Variants in TRPC5OS observed in about 807,000 individuals in gnomAD.
The protein encoded by TRPC5OS is TRPC5 opposite strand, also known as putative uncharacterized protein TRPC5OS.
For missense variants in TRPC5OS, 64 were observed against 79.3 expected (o/e 0.81, Z 0.73); for synonymous variants, 30 against 29.3 (o/e 1.02, Z -0.08).
Position 111,903,184 on chromosome X carries a change from T to A in TRPC5OS, c.*999T>A, listed in dbSNP as rs1228062733. The A allele has an allele frequency of 3.6e-5, 4 of 111,921 alleles. No individual in the cohort carries two copies. In the East Asian group the frequency reaches 1.1e-3, roughly 31 times the overall value. The allele number at this position is 111,921 out of a possible 1,213,427, so 9.2% of individuals were successfully genotyped here. A position where few individuals can be genotyped will look rare whatever the true frequency, so the allele number is the denominator to read the frequency against. On this transcript the variant is annotated 3_prime_UTR_variant, in exon 4 of 4. Coordinates refer to ENST00000635763, the MANE Select transcript of TRPC5OS (RefSeq NM_001195578.2). Reference sequence around the variant, plus strand: ...TGTTTGCTTTGATTCTGTAATTTTATGTGCTTAAGGATTGTTAAGATATAA... The same window carrying A: ...TGTTTGCTTTGATTCTGTAATTTTAAGTGCTTAAGGATTGTTAAGATATAA...
At chrX:111,898,471 G>C (rs1461022960) in intron 3 of TRPC5OS, among the ~76,000 whole-genome samples, 2 of 108,927 alleles carry the variant, frequency 1.8e-5, no homozygotes, top group Non-Finnish European at 1.9e-5. Flanking sequence ...CACATGCATG[G>C]TTGAAGCTTG....
chrX:111,882,778 G>A (rs1401137997), intron 1 of TRPC5OS, among the ~76,000 whole-genome samples: 2 of 112,257 alleles, frequency 1.8e-5, no homozygotes, highest in East Asian at 2.8e-4. Flanking sequence ...AGTCCTAGTC[G>A]GCCCAGTTAA....
chrX:111,880,058 A>G (rs192713205), intron 1 of TRPC5OS, among the ~76,000 whole-genome samples: 6 of 111,710 alleles, frequency 5.4e-5, no homozygotes, highest in Non-Finnish European at 1.9e-5. Context: ...TCATATTTTT[A>G]AAATGAAGAT....
chrX:111,888,181 T>C (rs1475122778), intron 1 of TRPC5OS, among the ~76,000 whole-genome samples: 2 of 111,378 alleles, frequency 1.8e-5, no homozygotes, highest in Non-Finnish European at 3.8e-5. Context: ...ATTTGAGGAA[T>C]GACAGACCAG....
intron 3 of TRPC5OS, among the ~76,000 whole-genome samples, chrX:111,897,390 A>T (rs1327469131): frequency 9.0e-6 from 1 of 110,894 alleles, no homozygotes; most frequent in African/African-American, 3.3e-5. Context: ...TTTTGAGGGG[A>T]GTAAAATTTA....
Position 111,896,097 on chromosome X carries a change from G to A in TRPC5OS, c.-400+1G>A, listed in dbSNP as rs1925046310. The A allele has an allele frequency of 9.0e-6, 1 of 111,019 alleles. No homozygotes were observed. The highest frequency in any genetic ancestry group is 3.3e-5 in the African/African-American group (1 of 30,433). 9.1% of individuals were successfully genotyped at this position (111,019 alleles called of 1,213,427 possible). A position where few individuals can be genotyped will look rare whatever the true frequency, so the allele number is the denominator to read the frequency against. On this transcript the variant is annotated splice_donor_variant, in intron 2 of 3. Transcript: ENST00000635763. LOFTEE classifies it low-confidence loss of function (5UTR_SPLICE). Reference sequence around the variant, plus strand: ...CAGCCCAGAACTCAGGTGACTTCAGGTAAGAAAAACTAGCCCTGCATTTTG... The same window carrying A: ...CAGCCCAGAACTCAGGTGACTTCAGATAAGAAAAACTAGCCCTGCATTTTG...
At chrX:111,881,476 C>G (rs778214879) in intron 1 of TRPC5OS, among the ~76,000 whole-genome samples, 2 of 111,363 alleles carry the variant, frequency 1.8e-5, no homozygotes, top group African/African-American at 6.5e-5. Context: ...GGGCCTGGCC[C>G]GCTATGTTTT....
rs184285125 is a variant in TRPC5OS at position 111,902,975 on chromosome X, G to A, written c.*790G>A. ...AGCCCTACAAGGACTATTCACCAAT[G>A]GAAAGACAAACACTCACCATATTGG... On this transcript the variant is annotated 3_prime_UTR_variant, in exon 4 of 4. Coordinates refer to ENST00000635763, the MANE Select transcript of TRPC5OS (RefSeq NM_001195578.2). 27 of 111,913 alleles carry A rather than the reference G, an allele frequency of 2.4e-4. No homozygotes were observed. The highest frequency in any genetic ancestry group is 2.0e-3 in the Admixed American group (21 of 10,527). The allele number at this position is 111,913 out of a possible 1,213,427, so 9.2% of individuals were successfully genotyped here.
chrX:111,898,297 GCA>G (rs200189599), intron 3 of TRPC5OS, among the ~76,000 whole-genome samples: 1 of 101,897 alleles, frequency 9.8e-6, no homozygotes, highest in Non-Finnish European at 2.0e-5. Context: ...GCGTGTGTGC[GCA>G]CACACACACA....
intron 1 of TRPC5OS, among the ~76,000 whole-genome samples, chrX:111,883,287 T>C (rs1340280236): frequency 9.0e-6 from 1 of 111,444 alleles, no homozygotes; most frequent in African/African-American, 3.3e-5. Context: ...AGTCAGAGCC[T>C]AGTTAAGTTC....
intron 1 of TRPC5OS, among the ~76,000 whole-genome samples, chrX:111,889,300 G>A (rs749643086): frequency 9.0e-6 from 1 of 111,642 alleles, no homozygotes; most frequent in East Asian, 2.8e-4. Flanking sequence ...GGGTAGTAAG[G>A]TGGAGTGGCC....
At position 111,903,206 on chromosome X, in the gene TRPC5OS, A is replaced by G. The variant is rs1052976543; in HGVS notation, c.*1021A>G. On this transcript the variant is annotated 3_prime_UTR_variant, in exon 4 of 4. Transcript: ENST00000635763. ...TTATGTGCTTAAGGATTGTTAAGAT[A>G]TAACCCCCGCTCCAAGGAATGGATT... 8.9e-6 allele frequency: 1 copy of G among 112,012 alleles called. No individual in the cohort carries two copies. Among genetic ancestry groups the G allele is most frequent in the African/African-American group, 3.2e-5 (1 of 30,866 alleles). The allele number at this position is 112,012 out of a possible 1,213,427, so 9.2% of individuals were successfully genotyped here.
Position 111,902,134 on chromosome X carries a change from CTT to C in TRPC5OS, c.286_287del (p.Leu96IlefsTer2). The C allele has an allele frequency of 8.7e-7, 1 of 1,150,143 alleles. No individual in the cohort carries two copies. The highest frequency in any genetic ancestry group is 1.1e-6 in the Non-Finnish European group (1 of 870,575). The allele number at this position is 1,150,143 out of a possible 1,213,427, so 94.8% of individuals were successfully genotyped here. A position where few individuals can be genotyped will look rare whatever the true frequency, so the allele number is the denominator to read the frequency against. The stretch of plus-strand genomic sequence containing the variant: ...ATCAGGCTATGTTAGACATGGATAA[CTT>C]ATATGAAGATACAGTCTCTGGTATA... ...IDQAMLDMDN[L>X]YEDTVSGIND... is the part of the protein sequence containing the mutation. On this transcript the variant is annotated frameshift_variant, in exon 4 of 4. Transcript: ENST00000635763. LOFTEE classifies it low-confidence loss of function (END_TRUNC).
intron 1 of TRPC5OS, among the ~76,000 whole-genome samples, chrX:111,887,719 A>G (rs1327952297): frequency 8.9e-6 from 1 of 112,054 alleles, no homozygotes; most frequent in African/African-American, 3.2e-5. Flanking sequence ...CACTAGAAAC[A>G]TAAAACGCTA....
chrX:111,878,754 G>A (rs981434059), intron 1 of TRPC5OS, among the ~76,000 whole-genome samples: 4 of 111,661 alleles, frequency 3.6e-5, no homozygotes, highest in African/African-American at 1.3e-4. Flanking sequence ...TGCTTTAGGT[G>A]ATCTGGGCCT....
intron 1 of TRPC5OS, among the ~76,000 whole-genome samples, chrX:111,890,178 C>A (rs1362859610): frequency 2.7e-5 from 3 of 112,230 alleles, no homozygotes; most frequent in Non-Finnish European, 5.6e-5. Context: ...GTAAAACAAA[C>A]TATTTACATA....
At chrX:111,898,755 A>G (rs1207377027) in intron 3 of TRPC5OS, among the ~76,000 whole-genome samples, 3 of 110,465 alleles carry the variant, frequency 2.7e-5, no homozygotes, top group African/African-American at 6.6e-5. Flanking sequence ...GCAAAAATGA[A>G]ATTTGTGTGT....
chrX:111,892,156 C>A (rs753955954), intron 1 of TRPC5OS, among the ~76,000 whole-genome samples: 19 of 112,098 alleles, frequency 1.7e-4, no homozygotes, highest in African/African-American at 6.2e-4. Flanking sequence ...TAGTCTTTCT[C>A]TTATCAAATT....
chrX:111,890,206 G>A (rs1033356206), intron 1 of TRPC5OS, among the ~76,000 whole-genome samples: 2 of 112,183 alleles, frequency 1.8e-5, no homozygotes, highest in Non-Finnish European at 3.8e-5. Flanking sequence ...CATTGTGTAA[G>A]GTATCATAAG....
Sources: allele counts gnomAD v4.1 joint callset (sites outside exome capture counted in the v4.1 genomes callset), GRCh38; gene constraint gnomAD v4.1.1; transcripts MANE v1.5; gene names NCBI Gene and HGNC (gene_info 2026-07-23, HGNC 2026-07-21).